HNRNPU: variants seen among roughly 807,000 people sequenced by gnomAD.
HNRNPU encodes the protein heterogeneous nuclear ribonucleoprotein U, also known as HNRNPU antisense RNA 1.
A neutral mutation model predicts 94.7 loss-of-function variants in HNRNPU; 5 were observed. The ratio of observed to expected loss-of-function variants is 0.05; its 90% CI spans 0.03 to 0.11. The LOEUF is 0.11. HNRNPU is among the 10% of genes least tolerant of loss of function. The pLI is 1.00. For synonymous variants in HNRNPU, 434 were observed against 381.6 expected, an observed-to-expected ratio of 1.14 and a Z score of -1.60; for missense variants, 710 against 1,049.2, an observed-to-expected ratio of 0.68 and a Z score of 4.47.
At chr1:244,855,327 T>C in intron 12 of HNRNPU, 97 bp downstream of exon 12, 1 of 1,167,116 alleles carries the variant, frequency 8.6e-7, no homozygotes, top group South Asian at 1.4e-5. Flanking sequence ...CCTATCATGT[T>C]CCTTACGGAT....
At chr1:244,856,901 A>T (rs200243692) in intron 8 of HNRNPU, 45 bp from the exon 9 acceptor site, 1 of 1,516,368 alleles carries the variant, frequency 6.6e-7, no homozygotes, top group Non-Finnish European at 9.0e-7. Flanking sequence ...GTGAATTTTA[A>T]TAAGTTATGC....
In HNRNPU at chr1:244,856,007, CTT is replaced by C; in HGVS notation, c.2062_2063del (p.Lys688GlufsTer4). ...PPEKKQNTGS[K>X]KSNKNKSGKN... is the part of the protein sequence containing the mutation. ...TGCCACTCTTATTTTTATTGCTTTTCTTTGAGCCAGTGTTCTGTTTCTTTTCT... is the reference window on the plus strand; with the variant it reads ...TGCCACTCTTATTTTTATTGCTTTTCTGAGCCAGTGTTCTGTTTCTTTTCT... On this transcript the variant is annotated frameshift_variant, in exon 11 of 14. Coordinates refer to ENST00000640218, the MANE Select transcript of HNRNPU (RefSeq NM_031844.3). LOFTEE classifies it high-confidence loss of function. 1 of 1,614,082 alleles carries C rather than the reference CTT, an allele frequency of 6.2e-7. No individual in the cohort carries two copies. Among genetic ancestry groups the C allele is most frequent in the Non-Finnish European group, 8.5e-7 (1 of 1,179,974 alleles).
intron 3 of HNRNPU, chr1:244,861,901 G>C (rs1680841530): frequency 6.5e-6 from 1 of 152,782 alleles, no homozygotes; most frequent in Admixed American, 6.5e-5. Flanking sequence ...TAGTGGCCCA[G>C]TGATAGCCCA....
rs1680605161 is a variant in HNRNPU, at chr1:244,853,772, AAAT to A, written c.*675_*677del. 1 of 152,696 alleles carries A rather than the reference AAAT, an allele frequency of 6.5e-6. No individual in the cohort carries two copies. The highest frequency in any genetic ancestry group is 2.4e-5 in the African/African-American group (1 of 41,460). The allele number at this position is 152,696 out of a possible 1,614,324, so 9.5% of individuals were successfully genotyped here. A position where few individuals can be genotyped will look rare whatever the true frequency, so the allele number is the denominator to read the frequency against. The stretch of plus-strand genomic sequence containing the variant: ...AACCTTCACAAGTTTGAGCCTCCAC[AAAT>A]AATGCAACCAAGTTTTACATTTTTA... On this transcript the variant is annotated 3_prime_UTR_variant, in exon 14 of 14. Coordinates refer to ENST00000640218, the MANE Select transcript of HNRNPU (RefSeq NM_031844.3).
At chr1:244,863,163 C>T in intron 1 of HNRNPU, 1 of 174,376 alleles carries the variant, frequency 5.7e-6, no homozygotes, top group Non-Finnish European at 1.2e-5. Context: ...CGAGCCCCTG[C>T]GCTCCTTGCA....
At chr1:244,863,517 C>T (rs1399539937) in intron 1 of HNRNPU, 100 bp downstream of exon 1, 3 of 1,258,086 alleles carry the variant, frequency 2.4e-6, no homozygotes, top group Non-Finnish European at 3.0e-6. Context: ...CGCCCTCCCG[C>T]CCGGGGCTCC....
intron 11 of HNRNPU, 88 bp downstream of exon 11, chr1:244,855,816 G>A: frequency 2.0e-6 from 3 of 1,472,048 alleles, no homozygotes; most frequent in Non-Finnish European, 2.8e-6. Context: ...TACCATTAAT[G>A]AGGAAGAAAC....
At chr1:244,862,395 T>TTAAAAAAAA in intron 3 of HNRNPU, 66 bp downstream of exon 3, 1 of 798,310 alleles carries the variant, frequency 1.3e-6, no homozygotes. Flanking sequence ...TTAAGACTTC[T>TTAAAAAAAA]AAAAAAAAAA....
intron 8 of HNRNPU, 97 bp from the exon 9 acceptor site, chr1:244,856,953 AT>A: frequency 1.0e-6 from 1 of 989,220 alleles, no homozygotes; most frequent in Non-Finnish European, 1.5e-6. Context: ...AGCAGGCAAC[AT>A]TTTATAATTT....
chr1:244,859,242 C>A, intron 5 of HNRNPU, 33 bp downstream of exon 5: 1 of 1,087,512 alleles, frequency 9.2e-7, no homozygotes, highest in East Asian at 2.4e-5. Context: ...CCTGAACATT[C>A]ATGAGCCCAC....
chr1:244,863,461 G>A (rs1317576243), intron 1 of HNRNPU, among the ~76,000 whole-genome samples, 156 bp downstream of exon 1: 1 of 148,578 alleles, frequency 6.7e-6, no homozygotes, highest in East Asian at 2.0e-4. Context: ...GAGGCCTCTC[G>A]GCTAATCTGG....
chr1:244,853,833 T>C lies in HNRNPU; in HGVS notation c.*617A>G, dbSNP rs3766527. On this transcript the variant is annotated 3_prime_UTR_variant, in exon 14 of 14. Coordinates refer to ENST00000640218, the MANE Select transcript of HNRNPU (RefSeq NM_031844.3). The stretch of plus-strand genomic sequence containing the variant: ...TTCTACATACACTCCATCTTCTCTA[T>C]CTTAGTTCCAAGTTTTAGTTTTCAA... The C allele has an allele frequency of 4.9e-3, 750 of 152,778 alleles. 34 individuals are homozygous for C. The East Asian group carries it at 0.12, about 24-fold the overall frequency. 9.5% of individuals were successfully genotyped at this position (152,778 alleles called of 1,614,324 possible).
chr1:244,862,248 G>A (rs949666855), intron 3 of HNRNPU: 5 of 426,428 alleles, frequency 1.2e-5, no homozygotes, highest in Admixed American at 4.0e-5. Flanking sequence ...ATAAAAATAC[G>A]AAACTCCTAG....
In HNRNPU at chr1:244,855,999, T is replaced by C. The variant is rs769069918; in HGVS notation, c.2072A>G (p.Asn691Ser). 6 of 1,614,080 alleles carry C rather than the reference T, an allele frequency of 3.7e-6. No homozygotes were observed. The African/African-American group carries it at 4.0e-5, about 11-fold the overall frequency. The change falls in exon 11 of 14, where the codon AAT becomes AGT. Residue 691 changes from asparagine to serine, a missense_variant. By Grantham distance (46) the Asn-to-Ser change is conservative. This residue lies in a region of HNRNPU where 152 missense variants were observed against 238.9 expected (regional missense o/e 0.64). Coordinates refer to ENST00000640218, the MANE Select transcript of HNRNPU (RefSeq NM_031844.3). ...CTGGTTCTTGCCACTCTTATTTTTA[T>C]TGCTTTTCTTTGAGCCAGTGTTCTG... is the stretch of plus-strand genomic sequence containing the variant. ...KKQNTGSKKS[N>S]KNKSGKNQFN...
intron 6 of HNRNPU, 108 bp downstream of exon 6, chr1:244,858,621 G>GT: frequency 1.5e-6 from 1 of 681,624 alleles, no homozygotes; most frequent in Non-Finnish European, 2.6e-6. Flanking sequence ...AGGGACTGGT[G>GT]TATTTTGTTG....
intron 1 of HNRNPU, 42 bp downstream of exon 1, chr1:244,863,575 C>T: frequency 7.3e-7 from 1 of 1,378,674 alleles, no homozygotes; most frequent in South Asian, 1.7e-5. Context: ...CCCCACCCCG[C>T]GCGGGCCTCC....
At chr1:244,862,561 C>T in intron 2 of HNRNPU, 27 bp from the exon 3 acceptor site, 1 of 1,611,128 alleles carries the variant, frequency 6.2e-7, no homozygotes, top group Non-Finnish European at 8.5e-7. Context: ...TCTCCTGATA[C>T]AGCTTTCCGA....
At chr1:244,862,849 G>T in intron 1 of HNRNPU, 119 bp from the exon 2 acceptor site, 1 of 734,722 alleles carries the variant, frequency 1.4e-6, no homozygotes, top group East Asian at 2.5e-5. Context: ...TTTTAACCGA[G>T]GACTCAAATG....
At position 244,858,739 on chromosome 1, in the gene HNRNPU, G is replaced by A; in HGVS notation, c.1220C>T (p.Thr407Ile). The A allele has an allele frequency of 6.4e-7, 1 of 1,554,410 alleles. No homozygotes were observed. The highest frequency in any genetic ancestry group is 8.9e-7 in the Non-Finnish European group (1 of 1,126,582). Residue 407 changes from threonine to isoleucine, a missense_variant, in exon 6 of 14, where the codon ACA becomes ATA. By Grantham distance (89) the Thr-to-Ile change is moderately conservative. Transcript: ENST00000640218. ...GEKFDENDVITCFANFESDEV... is the reference protein window; with the variant it reads ...GEKFDENDVIICFANFESDEV... ...TTAGCTTTAACTTACAGCAAAACATGTAATCACATCATTTTCATCAAACTT... is the reference window on the plus strand; with the variant it reads ...TTAGCTTTAACTTACAGCAAAACATATAATCACATCATTTTCATCAAACTT...
Sources: allele counts gnomAD v4.1 joint callset (sites outside exome capture counted in the v4.1 genomes callset), GRCh38; gene constraint gnomAD v4.1.1; regional missense constraint gnomAD v4.1.1; transcripts MANE v1.5; gene names NCBI Gene and HGNC (gene_info 2026-07-23, HGNC 2026-07-21).